SLC2A9: variants seen among roughly 807,000 people sequenced by gnomAD.
The protein encoded by SLC2A9 is solute carrier family 2, facilitated glucose transporter member 9.
A neutral mutation model predicts 50.6 loss-of-function variants in SLC2A9; 39 were observed. That is an observed-to-expected ratio of 0.77 (90% CI 0.60 to 1.01). SLC2A9 has a LOEUF of 1.01. SLC2A9 is among the 50% of genes least tolerant of loss of function. The pLI, the probability that SLC2A9 is intolerant of heterozygous loss-of-function variation, is 0.00. For synonymous variants in SLC2A9, 324 were observed against 276.9 expected (o/e 1.17, Z -1.69); for missense variants, 686 against 677.6 (o/e 1.01, Z -0.14).
At position 9,939,772 on chromosome 4, in the gene SLC2A9, C is replaced by T. The variant is rs968298476; in HGVS notation, c.814+2141G>A. On this transcript the variant is annotated intron_variant, in intron 6 of 11. Transcript: ENST00000264784. The stretch of plus-strand genomic sequence containing the variant: ...TTAACTAGACCTTCACCCTCCCTCA[C>T]TCCTGGGGGGCAGGAATGTCATCTC... 3.3e-5 allele frequency among the ~76,000 whole-genome samples: 5 copies of T among 152,262 alleles called. No homozygotes were observed. In the South Asian group the frequency reaches 6.2e-4, roughly 19 times the overall value.
At chr4:10,038,455 C>T (rs1764175687) in intron 1 of SLC2A9, among the ~76,000 whole-genome samples, 1 of 132,384 alleles carries the variant, frequency 7.6e-6, no homozygotes, top group Non-Finnish European at 1.5e-5. Flanking sequence ...TGCAGTGAGC[C>T]GAGATAGCAC....
chr4:9,955,355 C>T (rs1181696541), intron 5 of SLC2A9, among the ~76,000 whole-genome samples: 1 of 104,396 alleles, frequency 9.6e-6, no homozygotes, highest in East Asian at 2.0e-4. Context: ...ATTAGCCGGG[C>T]GTGATGGCGG....
intron 7 of SLC2A9, 30 bp downstream of exon 7, chr4:9,920,355 C>A: frequency 6.2e-7 from 1 of 1,612,688 alleles, no homozygotes; most frequent in Non-Finnish European, 8.5e-7. Context: ...TCCAGTCATG[C>A]AAGGATGCCC....
chr4:9,788,037 C>T (rs530285627), intron 3 of SLC2A9, among the ~76,000 whole-genome samples: 2 of 152,106 alleles, frequency 1.3e-5, no homozygotes, highest in East Asian at 3.9e-4. Context: ...TATTAGTGGC[C>T]CTTCCCTGAA....
intron 2 of SLC2A9, among the ~76,000 whole-genome samples, chr4:10,012,898 G>A (rs1002971823): frequency 4.8e-4 from 73 of 152,230 alleles, no homozygotes; most frequent in African/African-American, 1.6e-3. Flanking sequence ...ACCACAGTCT[G>A]GCTTGCTTTC....
chr4:9,912,614 G>T (rs1424270071), intron 7 of SLC2A9, among the ~76,000 whole-genome samples: 1 of 152,152 alleles, frequency 6.6e-6, no homozygotes, highest in Non-Finnish European at 1.5e-5. Context: ...CATGTCTAAG[G>T]ATCAGTCAAG....
chr4:9,956,107 G>T (rs1751230022), intron 5 of SLC2A9, among the ~76,000 whole-genome samples: 1 of 151,616 alleles, frequency 6.6e-6, no homozygotes, highest in Admixed American at 6.6e-5. Context: ...TCAAACTCCT[G>T]ACCTCAGGTG....
intron 2 of SLC2A9, 84 bp downstream of exon 2, chr4:10,018,891 G>A: frequency 1.5e-6 from 2 of 1,352,188 alleles, no homozygotes; most frequent in Non-Finnish European, 2.1e-6. Context: ...CAACAGGAGG[G>A]GGCGCTGGAG....
At position 9,939,465 on chromosome 4, in the gene SLC2A9, G is replaced by A. The variant is rs73096650; in HGVS notation, c.814+2448C>T. Among the ~76,000 whole-genome samples the A allele has an allele frequency of 8.0e-3, 1,215 of 152,268 alleles. 18 individuals are homozygous for A. The highest frequency in any genetic ancestry group is 0.028 in the African/African-American group (1,164 of 41,532). ...GAGAAGGGGTATCTCCCACAGTGCCGAGCATGGTGCTAAGTAATAAAGTGC... is the reference window on the plus strand; with the variant it reads ...GAGAAGGGGTATCTCCCACAGTGCCAAGCATGGTGCTAAGTAATAAAGTGC... On this transcript the variant is annotated intron_variant, in intron 6 of 11. Coordinates refer to ENST00000264784, the MANE Select transcript of SLC2A9 (RefSeq NM_020041.3).
At chr4:10,000,013 G>C (rs1759481691) in intron 2 of SLC2A9, among the ~76,000 whole-genome samples, 1 of 152,208 alleles carries the variant, frequency 6.6e-6, no homozygotes, top group African/African-American at 2.4e-5. Flanking sequence ...AAAACTCCCA[G>C]ATTTCAGACA....
At chr4:9,846,601 A>C (rs1482709846) in intron 10 of SLC2A9, among the ~76,000 whole-genome samples, 1 of 152,100 alleles carries the variant, frequency 6.6e-6, no homozygotes, top group Non-Finnish European at 1.5e-5. Context: ...CTATAATCTC[A>C]TTTAATGAGC....
intron 11 of SLC2A9, among the ~76,000 whole-genome samples, chr4:9,832,387 T>C (rs548116930): frequency 6.6e-6 from 1 of 152,292 alleles, no homozygotes; most frequent in Admixed American, 6.5e-5. Context: ...CGTGGGTGCC[T>C]TCCCAGGCTT....
intron 3 of SLC2A9, among the ~76,000 whole-genome samples, chr4:9,987,521 C>A (rs2109171039): frequency 6.6e-6 from 1 of 152,146 alleles, no homozygotes; most frequent in East Asian, 1.9e-4. Context: ...AATGAGTTAA[C>A]AGATATTAAA....
intron 11 of SLC2A9, among the ~76,000 whole-genome samples, chr4:9,827,033 T>C (rs943990959): frequency 6.6e-6 from 1 of 152,232 alleles, no homozygotes; most frequent in African/African-American, 2.4e-5. Context: ...GAGCACAGAA[T>C]AGGCCAAGGT....
chr4:9,843,090 A>G lies in SLC2A9; in HGVS notation c.1292-8082T>C, dbSNP rs114316846. Among the ~76,000 whole-genome samples, 730 of 152,170 alleles carry G rather than the reference A, an allele frequency of 4.8e-3. 7 individuals carry two copies. Among genetic ancestry groups the G allele is most frequent in the African/African-American group, 0.016 (663 of 41,514 alleles). On this transcript the variant is annotated intron_variant, in intron 10 of 11. Transcript: ENST00000264784. ...ACCATGTCTCATCAGTCACTCATTG[A>G]GTGTTATACTTTGAGCAGTGCTTTT...
downstream of SLC2A9, among the ~76,000 whole-genome samples, chr4:9,823,020 T>C (rs1420371394): frequency 8.5e-5 from 13 of 152,216 alleles, no homozygotes; most frequent in Admixed American, 7.9e-4. Context: ...TTGCCTGATA[T>C]AATTTATTTT....
At chr4:9,797,652 T>C (rs1720747013), downstream of SLC2A9, among the ~76,000 whole-genome samples, 1 of 152,220 alleles carries the variant, frequency 6.6e-6, no homozygotes, top group Non-Finnish European at 1.5e-5. Flanking sequence ...AACTTGTTTC[T>C]ATATTGCCCT....
At chr4:9,894,497 T>C (rs1738148311) in intron 8 of SLC2A9, among the ~76,000 whole-genome samples, 1 of 152,212 alleles carries the variant, frequency 6.6e-6, no homozygotes, top group Non-Finnish European at 1.5e-5. Flanking sequence ...TCCGGAGAGT[T>C]TTGACTTAAA....
intron 3 of SLC2A9, among the ~76,000 whole-genome samples, chr4:9,807,506 C>G (rs1474715632): frequency 1.3e-5 from 2 of 152,186 alleles, no homozygotes; most frequent in Non-Finnish European, 2.9e-5. Context: ...TTTATCAGTT[C>G]TCTCCTCTGC....
Sources: allele counts gnomAD v4.1 joint callset (sites outside exome capture counted in the v4.1 genomes callset), GRCh38; gene constraint gnomAD v4.1.1; transcripts MANE v1.5; gene names NCBI Gene and HGNC (gene_info 2026-07-23, HGNC 2026-07-21).